Variants in TASP1 observed in about 807,000 individuals in gnomAD.
The protein encoded by TASP1 is taspase 1, also known as threonine aspartase 1.
A neutral mutation model predicts 56.6 loss-of-function variants in TASP1; 16 were observed. The observed-to-expected ratio is 0.28, with a 90% confidence interval of 0.19 to 0.43. The LOEUF is 0.43. Among genes scored for constraint, TASP1 ranks in the 20% least tolerant of loss-of-function variants. The pLI, the probability that TASP1 is intolerant of heterozygous loss-of-function variation, is 1.00. For synonymous variants in TASP1, 179 were observed against 184.2 expected (o/e 0.97, Z 0.23); for missense variants, 393 against 511.6 (o/e 0.77, Z 2.24).
chr20:13,124,784 G>A, the TASP1 span, among the ~76,000 whole-genome samples: 229 of 152,286 alleles, frequency 1.5e-3, 1 homozygote, highest in African/African-American at 5.3e-3. Flanking sequence ...ATACCTAAGA[G>A]AGATGGAAAA....
At chr20:13,255,976 A>G in the TASP1 span, among the ~76,000 whole-genome samples, 2 of 151,744 alleles carry the variant, frequency 1.3e-5, no homozygotes, top group African/African-American at 2.4e-5. Flanking sequence ...ACCATTTGTA[A>G]TTTAGTCATG....
the TASP1 span, among the ~76,000 whole-genome samples, chr20:13,289,649 G>A: frequency 6.6e-6 from 1 of 151,764 alleles, no homozygotes; most frequent in Non-Finnish European, 1.5e-5. Context: ...GGAAGGGCAT[G>A]GAGGAAGAGA....
intron 4 of TASP1, among the ~76,000 whole-genome samples, chr20:13,605,000 ATATATATATATATG>A (rs892448528): frequency 2.7e-5 from 4 of 148,566 alleles, no homozygotes; most frequent in East Asian, 2.0e-4. Context: ...ATATATATAT[ATATATATATATATG>A]TATTTCTTAT....
chr20:13,110,172 G>A, the TASP1 span: 89 of 1,613,484 alleles, frequency 5.5e-5, 1 homozygote, highest in African/African-American at 8.0e-5. Context: ...CCTCGAACCC[G>A]CAGAGCTTGG....
chr20:13,435,033 G>A lies in TASP1; in HGVS notation c.1096+11C>T. ...ATAGAAAGACACACACAATGTATATGTCTCACTTACCTAGAAGTGTCTGCT... is the reference window on the plus strand; with the variant it reads ...ATAGAAAGACACACACAATGTATATATCTCACTTACCTAGAAGTGTCTGCT... On this transcript the variant is annotated intron_variant, in intron 12 of 13. Transcript: ENST00000337743. 2 of 1,578,164 alleles carry A rather than the reference G, an allele frequency of 1.3e-6. No individual in the cohort carries two copies. Among genetic ancestry groups the A allele is most frequent in the South Asian group, 1.1e-5 (1 of 87,664 alleles).
chr20:13,487,118 C>T (rs544416636), intron 10 of TASP1, among the ~76,000 whole-genome samples: 1 of 152,300 alleles, frequency 6.6e-6, no homozygotes, highest in East Asian at 1.9e-4. Context: ...AGGTATCTCT[C>T]CATATTCTTC....
At chr20:13,374,564 T>G in the TASP1 span, among the ~76,000 whole-genome samples, 13 of 152,120 alleles carry the variant, frequency 8.5e-5, no homozygotes, top group South Asian at 2.1e-4. Context: ...TAGCCAGGAT[T>G]GTCTCGATCT....
intron 5 of TASP1, among the ~76,000 whole-genome samples, chr20:13,584,215 A>C (rs1326856066): frequency 6.6e-6 from 1 of 152,244 alleles, no homozygotes; most frequent in African/African-American, 2.4e-5. Flanking sequence ...TTCAGAAAAA[A>C]ATGCATTCAA....
chr20:13,558,545 G>A (rs2057257), intron 8 of TASP1, among the ~76,000 whole-genome samples: 90,810 of 151,672 alleles, frequency 0.6, 28,081 homozygotes, highest in Non-Finnish European at 0.68. Context: ...AAACTATTAG[G>A]AAGATTTAAG....
intron 4 of TASP1, among the ~76,000 whole-genome samples, chr20:13,610,087 T>C (rs538653943): frequency 1.3e-5 from 2 of 152,136 alleles, no homozygotes; most frequent in African/African-American, 4.8e-5. Context: ...AGAAAGCAGA[T>C]GGGTGGTCCA....
chr20:13,464,866 C>T (rs1034485425), intron 11 of TASP1, among the ~76,000 whole-genome samples: 1 of 151,946 alleles, frequency 6.6e-6, no homozygotes, highest in Non-Finnish European at 1.5e-5. Flanking sequence ...GAACTGTACA[C>T]TTATGGTTAA....
chr20:13,482,255 T>C (rs6042159), intron 11 of TASP1, among the ~76,000 whole-genome samples: 147,445 of 152,270 alleles, frequency 0.97, 71,427 homozygotes, highest in East Asian at 1. Flanking sequence ...GGGTTCTATA[T>C]TCTGTTCCAT....
At chr20:13,576,742 T>C (rs929236555) in intron 6 of TASP1, among the ~76,000 whole-genome samples, 1 of 152,170 alleles carries the variant, frequency 6.6e-6, no homozygotes, top group Non-Finnish European at 1.5e-5. Context: ...AAATGTTAAA[T>C]ACCTATAATA....
intron 10 of TASP1, among the ~76,000 whole-genome samples, chr20:13,502,426 T>C (rs2043979188): frequency 1.3e-5 from 2 of 152,090 alleles, no homozygotes; most frequent in South Asian, 4.1e-4. Flanking sequence ...TGGACAATTA[T>C]AAAAGTATAC....
At chr20:13,328,323 T>C in the TASP1 span, among the ~76,000 whole-genome samples, 1 of 152,176 alleles carries the variant, frequency 6.6e-6, no homozygotes, top group East Asian at 1.9e-4. Context: ...GCTGGTGAGG[T>C]TGCAGAGAAA....
intron 10 of TASP1, among the ~76,000 whole-genome samples, chr20:13,499,113 T>C (rs1343889089): frequency 2.6e-5 from 4 of 152,104 alleles, no homozygotes. Flanking sequence ...ATATACGCCC[T>C]GGAAAATACG....
At chr20:13,636,305 C>T (rs566157530) in intron 1 of TASP1, among the ~76,000 whole-genome samples, 5 of 150,372 alleles carry the variant, frequency 3.3e-5, no homozygotes, top group African/African-American at 4.9e-5. Flanking sequence ...GCCACCATGC[C>T]GGGCTAATTT....
At chr20:13,331,574 T>C in the TASP1 span, among the ~76,000 whole-genome samples, 2 of 152,152 alleles carry the variant, frequency 1.3e-5, no homozygotes, top group Admixed American at 6.5e-5. Flanking sequence ...CTCTGTTCCA[T>C]ACATAATTCC....
chr20:13,625,398 C>G (rs1803127486), intron 2 of TASP1, 146 bp from the exon 3 acceptor site: 2 of 522,260 alleles, frequency 3.8e-6, no homozygotes, highest in Middle Eastern at 5.1e-4. Context: ...ACTTCTTACT[C>G]CAGTGTAAGC....
Sources: allele counts gnomAD v4.1 joint callset (sites outside exome capture counted in the v4.1 genomes callset), GRCh38; gene constraint gnomAD v4.1.1; transcripts MANE v1.5; gene names NCBI Gene and HGNC (gene_info 2026-07-23, HGNC 2026-07-21).